Variants in FAM151B observed in about 807,000 individuals in gnomAD.
FAM151B encodes protein FAM151B.
Under a neutral mutation model 31.2 loss-of-function variants are expected in FAM151B, and 24 were observed. The observed-to-expected ratio is 0.77, with a 90% CI of 0.56 to 1.08. The LOEUF is 1.08. Ranked by LOEUF, FAM151B falls within the 50% of genes least tolerant of loss-of-function variation. The pLI is 0.00. For missense variants in FAM151B, 293 were observed against 328.6 expected (o/e 0.89, Z 0.84); for synonymous variants, 105 against 111.4 (o/e 0.94, Z 0.36).
intron 2 of FAM151B, among the ~76,000 whole-genome samples, chr5:80,513,362 C>T (rs1400975092): frequency 1.3e-5 from 2 of 152,172 alleles, no homozygotes; most frequent in Non-Finnish European, 2.9e-5. Flanking sequence ...TGTATGTCAA[C>T]AGCTTAAGAT....
At chr5:80,530,043 A>G (rs970366297) in intron 5 of FAM151B, among the ~76,000 whole-genome samples, 15 of 134,212 alleles carry the variant, frequency 1.1e-4, no homozygotes, top group Non-Finnish European at 2.4e-4. Flanking sequence ...CAGCACGATC[A>G]AGTGGGCTTC....
At chr5:80,531,540 G>GA (rs1475243577) in intron 5 of FAM151B, among the ~76,000 whole-genome samples, 1 of 152,038 alleles carries the variant, frequency 6.6e-6, no homozygotes, top group Non-Finnish European at 1.5e-5. Context: ...AAATTTACAA[G>GA]AAAAAAATCA....
chr5:80,513,729 G>A lies in FAM151B; in HGVS notation c.277G>A (p.Val93Ile), dbSNP rs1213578294. 1.2e-6 allele frequency: 2 copies of A among 1,612,806 alleles called. No individual in the cohort carries two copies. The highest frequency in any genetic ancestry group is 2.7e-5 in the African/African-American group (2 of 74,850). The change falls in exon 3 of 6, where the codon GTT becomes ATT. Residue 93 changes from valine (V) to isoleucine (I), a missense_variant. Val to Ile is a conservative substitution (Grantham distance 29). Transcript: ENST00000282226. ...TACTCTACAGGAGTGGCTGACTGAA[G>A]TTATGAAAAGCAATAAAGGCATCAA... ...DNTLQEWLTE[V>I]MKSNKGIKLD...
At chr5:80,536,400 T>C (rs769860945) in intron 5 of FAM151B, among the ~76,000 whole-genome samples, 2 of 151,940 alleles carry the variant, frequency 1.3e-5, no homozygotes, top group African/African-American at 4.8e-5. Flanking sequence ...GGTCTCAAAC[T>C]CCTGACCTCA....
intron 3 of FAM151B, among the ~76,000 whole-genome samples, chr5:80,514,139 T>G (rs1744311849): frequency 6.6e-6 from 1 of 152,146 alleles, no homozygotes; most frequent in Non-Finnish European, 1.5e-5. Flanking sequence ...GTAAAGGGAA[T>G]TATTTAGAAT....
chr5:80,505,744 T>C (rs1422597557), intron 2 of FAM151B, among the ~76,000 whole-genome samples: 3 of 134,156 alleles, frequency 2.2e-5, no homozygotes, highest in South Asian at 2.4e-4. Flanking sequence ...TTTCTTCCTA[T>C]AAGAATTTTT....
intron 2 of FAM151B, among the ~76,000 whole-genome samples, chr5:80,504,740 C>G (rs757677984): frequency 1.1e-4 from 16 of 151,934 alleles, no homozygotes; most frequent in Admixed American, 3.9e-4. Context: ...GGATGGTCTC[C>G]ATCTCCTGAT....
chr5:80,529,887 T>G (rs970438386), intron 5 of FAM151B, among the ~76,000 whole-genome samples: 8 of 125,946 alleles, frequency 6.4e-5, no homozygotes, highest in African/African-American at 2.8e-4. Flanking sequence ...ACTCATTTTA[T>G]GAGGCCGGCA....
At chr5:80,494,490 TTCTTTCTTTCTTTC>T (rs1341123625) in intron 1 of FAM151B, among the ~76,000 whole-genome samples, 2 of 146,574 alleles carry the variant, frequency 1.4e-5, no homozygotes, top group Non-Finnish European at 3.0e-5. Flanking sequence ...CTTTCTTTCT[TTCTTTCTTTCTTTC>T]TTTCTTTCTT....
intron 2 of FAM151B, among the ~76,000 whole-genome samples, chr5:80,509,553 C>T (rs1039530773): frequency 2.0e-5 from 3 of 152,088 alleles, no homozygotes; most frequent in African/African-American, 7.2e-5. Context: ...CACAGTATAA[C>T]ACAGACTAAG....
chr5:80,498,999 A>T (rs1743646191), intron 1 of FAM151B: 1 of 186,860 alleles, frequency 5.4e-6, no homozygotes, highest in African/African-American at 2.4e-5. Flanking sequence ...CAGCTCCACC[A>T]CAGATGGCAG....
chr5:80,523,931 A>G (rs745607804), intron 5 of FAM151B, among the ~76,000 whole-genome samples: 4 of 152,142 alleles, frequency 2.6e-5, no homozygotes, highest in Non-Finnish European at 4.4e-5. Flanking sequence ...CCGTGATGCT[A>G]TTTGACATTC....
chr5:80,508,691 TA>T lies in FAM151B; in HGVS notation c.152-4908del, dbSNP rs573697369. Among the ~76,000 whole-genome samples the T allele has an allele frequency of 3.4e-4, 52 of 152,324 alleles. No homozygotes were observed. The East Asian group carries it at 9.6e-3, about 28-fold the overall frequency. Reference sequence around the variant, plus strand: ...TGTGTCCAAGTAGTTATATCTCCCTTAAAAATATAGTGGGCTTTTAATATAT... The same window carrying T: ...TGTGTCCAAGTAGTTATATCTCCCTTAAAATATAGTGGGCTTTTAATATAT... On this transcript the variant is annotated intron_variant, in intron 2 of 5. Coordinates refer to ENST00000282226, the MANE Select transcript of FAM151B (RefSeq NM_205548.3).
chr5:80,541,326 CCCAGGTTACAGATTCCT>C (rs1436015057), intron 5 of FAM151B, among the ~76,000 whole-genome samples: 1 of 152,196 alleles, frequency 6.6e-6, no homozygotes, highest in Non-Finnish European at 1.5e-5. Flanking sequence ...CCTGAACAAA[CCCAGGTTACAGATTCCT>C]CCATCAGCAA....
At chr5:80,499,024 A>T (rs1298482698) in intron 1 of FAM151B, 1 of 175,938 alleles carries the variant, frequency 5.7e-6, no homozygotes, top group Non-Finnish European at 1.2e-5. Context: ...AAAAAAAAAA[A>T]AAAGTAGTTT....
chr5:80,500,742 A>G (rs942678073), intron 1 of FAM151B: 3 of 949,454 alleles, frequency 3.2e-6, no homozygotes, highest in African/African-American at 1.6e-5. Context: ...TTGTAGAGCC[A>G]TATATAGCAT....
At chr5:80,533,609 G>C (rs113692633) in intron 5 of FAM151B, among the ~76,000 whole-genome samples, 1 of 151,194 alleles carries the variant, frequency 6.6e-6, no homozygotes, top group African/African-American at 2.4e-5. Flanking sequence ...AATTAACCAG[G>C]TGTGGTGGCA....
At chr5:80,520,433 TCAGGAGTTTGAGAC>T (rs1440579367) in intron 4 of FAM151B, among the ~76,000 whole-genome samples, 2 of 151,794 alleles carry the variant, frequency 1.3e-5, no homozygotes, top group Non-Finnish European at 1.5e-5. Context: ...TCACCTGAAG[TCAGGAGTTTGAGAC>T]CAGCCTGGCC....
intron 3 of FAM151B, among the ~76,000 whole-genome samples, chr5:80,516,550 T>C (rs1184841179): frequency 6.6e-6 from 1 of 152,188 alleles, no homozygotes; most frequent in Non-Finnish European, 1.5e-5. Flanking sequence ...GAAAAAAATA[T>C]ATTCTATAAT....
Sources: allele counts gnomAD v4.1 joint callset (sites outside exome capture counted in the v4.1 genomes callset), GRCh38; gene constraint gnomAD v4.1.1; transcripts MANE v1.5; gene names NCBI Gene and HGNC (gene_info 2026-07-23, HGNC 2026-07-21).